Variants in GLS observed in about 807,000 individuals in gnomAD.
GLS encodes glutaminase, also known as glutaminase kidney isoform, mitochondrial.
GLS carries 36 observed loss-of-function variants against 86.7 expected under a neutral mutation model. The observed-to-expected ratio is 0.42, with a 90% CI of 0.32 to 0.55. The LOEUF (loss-of-function observed/expected upper bound fraction) is 0.55, where lower values mean the gene tolerates loss of function less well. Among genes scored for constraint, GLS ranks in the 20% least tolerant of loss-of-function variants. GLS has a pLI of 0.17. For synonymous variants in GLS, 317 were observed against 305.9 expected (o/e 1.04, Z -0.38); for missense variants, 528 against 833.4 (o/e 0.63, Z 4.51).
intron 6 of GLS, 114 bp from the exon 7 acceptor site, chr2:190,910,149 A>G: frequency 3.1e-6 from 2 of 636,994 alleles, no homozygotes; most frequent in Non-Finnish European, 5.4e-6. Context: ...AGCACTAAGA[A>G]AAAAGCAAAA....
intron 6 of GLS, among the ~76,000 whole-genome samples, chr2:190,909,685 C>A (rs1689289624): frequency 6.6e-6 from 1 of 152,108 alleles, no homozygotes; most frequent in African/African-American, 2.4e-5. Context: ...TTTTAAGTAA[C>A]TTTAAAATTA....
intron 1 of GLS, 147 bp downstream of exon 1, chr2:190,881,617 C>T: frequency 1.3e-6 from 1 of 765,088 alleles, no homozygotes; most frequent in Non-Finnish European, 2.0e-6. Context: ...CCGTCTGCGC[C>T]ATGTGATTAG....
chr2:190,929,887 G>A (rs1034135698), intron 12 of GLS, among the ~76,000 whole-genome samples: 1 of 147,788 alleles, frequency 6.8e-6, no homozygotes, highest in Non-Finnish European at 1.5e-5. Context: ...TCACTCTGTT[G>A]CCCAGGCTGG....
At chr2:190,940,211 A>G (rs796826023) in intron 14 of GLS, among the ~76,000 whole-genome samples, 3 of 152,082 alleles carry the variant, frequency 2.0e-5, no homozygotes, top group Admixed American at 6.5e-5. Context: ...ATCCAGGTCT[A>G]TGCACAAGAT....
At chr2:190,942,067 C>CTTTTTT (rs3036653) in intron 14 of GLS, among the ~76,000 whole-genome samples, 1,656 of 38,036 alleles carry the variant, frequency 0.044, 587 homozygotes, top group Non-Finnish European at 0.068. Flanking sequence ...ACTTTGAAGA[C>CTTTTTT]TTTTTTTTTT....
chr2:190,905,894 AAGTG>A lies in GLS; in HGVS notation c.979+730_979+733del, dbSNP rs955099674. ...ATGAGTTAAGATATAGAATTGAAGA[AAGTG>A]AGAGCGAAGTTTGTAGTAATGGCTG... is the stretch of plus-strand genomic sequence containing the variant. On this transcript the variant is annotated intron_variant, in intron 6 of 17. Coordinates refer to ENST00000320717, the MANE Select transcript of GLS (RefSeq NM_014905.5). The surrounding 1 kb of genome is among the most constrained non-coding windows in gnomAD (Gnocchi z 4.6). Among the ~76,000 whole-genome samples, 2 of 152,068 alleles carry A rather than the reference AAGTG, an allele frequency of 1.3e-5. No individual in the cohort carries two copies. Among genetic ancestry groups the A allele is most frequent in the Non-Finnish European group, 2.9e-5 (2 of 67,946 alleles).
chr2:190,954,794 A>G lies in GLS; in HGVS notation c.1829A>G (p.Lys610Arg). 1 of 1,613,258 alleles carries G rather than the reference A, an allele frequency of 6.2e-7. No individual in the cohort carries two copies. Among genetic ancestry groups the G allele is most frequent in the Non-Finnish European group, 8.5e-7 (1 of 1,179,560 alleles). The change falls in exon 17 of 18, where the codon AAA (lysine) becomes AGA (arginine). Residue 610 changes from lysine (K) to arginine (R), a missense_variant. By Grantham distance (26) the Lys-to-Arg change is conservative (BLOSUM62 2). Transcript: ENST00000320717. The surrounding 1 kb of genome is among the most constrained non-coding windows in gnomAD (Gnocchi z 4.0). Reference sequence around the variant, plus strand: ...GTTAAATTTTTGCTGGAAGCCTGCAAAGTAAACCCTTTCCCCAAGGACAGG... The same window carrying G: ...GTTAAATTTTTGCTGGAAGCCTGCAGAGTAAACCCTTTCCCCAAGGACAGG... ...EVVKFLLEAC[K>R]VNPFPKDRWN...
chr2:190,905,139 A>G lies in GLS; in HGVS notation c.951A>G (p.Arg317=). 1 of 1,601,980 alleles carries G rather than the reference A, an allele frequency of 6.2e-7. No homozygotes were observed. Among genetic ancestry groups the G allele is most frequent in the Non-Finnish European group, 8.5e-7 (1 of 1,172,328 alleles). ...TTGGAAAAGAGCCGAGTGGACTAAG[A>G]TTCAACAAACTATTTTTGAATGAAG... ...RYVGKEPSGL[R]FNKLFLNEDD... is the part of the protein sequence containing the mutation. The change falls in exon 6 of 18, where the codon AGA becomes AGG. Residue 317 remains arginine (R), a synonymous_variant. Transcript: ENST00000320717. This position sits in a 1 kb window ranked among gnomAD's most constrained non-coding sequence, Gnocchi z 4.6.
At chr2:190,932,838 G>A (rs1276919339) in intron 14 of GLS, 1 of 1,559,984 alleles carries the variant, frequency 6.4e-7, no homozygotes, top group Non-Finnish European at 8.7e-7. Context: ...TATATAGAAT[G>A]GAAAGTCTGG....
Position 190,938,296 on chromosome 2 carries a change from A to G in GLS, c.1650+6659A>G, listed in dbSNP as rs1690333095. The stretch of plus-strand genomic sequence containing the variant: ...CTTTTGAAAGAAAAAATTCTTACCC[A>G]AAGTAGTTTTTAAATTTCTATTTTC... On this transcript the variant is annotated intron_variant, in intron 14 of 17. Coordinates refer to ENST00000320717, the MANE Select transcript of GLS (RefSeq NM_014905.5). The surrounding 1 kb of genome is among the most constrained non-coding windows in gnomAD (Gnocchi z 4.1). Among the ~76,000 whole-genome samples the G allele has an allele frequency of 6.6e-6, 1 of 151,566 alleles. No individual in the cohort carries two copies. The highest frequency in any genetic ancestry group is 1.5e-5 in the Non-Finnish European group (1 of 67,542).
In GLS at chr2:190,927,172, C is replaced by T. The variant is rs1689924945; in HGVS notation, c.1249-134C>T. ...TCAACTAAAATCTTCAGAATGTCCT[C>T]AAGTTTATATTAAAGTAATCTCTTT... On this transcript the variant is annotated intron_variant, in intron 11 of 17. Coordinates refer to ENST00000320717, the MANE Select transcript of GLS (RefSeq NM_014905.5). 8 of 748,104 alleles carry T rather than the reference C, an allele frequency of 1.1e-5. No individual in the cohort carries two copies. In the South Asian group the frequency reaches 1.7e-4, roughly 16 times the overall value. The allele number at this position is 748,104 out of a possible 1,614,324, so 46.3% of individuals were successfully genotyped here.
At chr2:190,942,144 A>G (rs927162868) in intron 14 of GLS, among the ~76,000 whole-genome samples, 8 of 115,580 alleles carry the variant, frequency 6.9e-5, no homozygotes, top group Non-Finnish European at 1.3e-4. Flanking sequence ...CAGTGGAGTG[A>G]TCTTGGCTCA....
At chr2:190,940,988 T>C (rs1690411768) in intron 14 of GLS, among the ~76,000 whole-genome samples, 1 of 152,190 alleles carries the variant, frequency 6.6e-6, no homozygotes, top group South Asian at 2.1e-4. Flanking sequence ...TATTTCAAGA[T>C]ATTTAGCTAA....
intron 14 of GLS, chr2:190,933,347 A>G: frequency 1.1e-6 from 1 of 888,564 alleles, no homozygotes; most frequent in Non-Finnish European, 1.3e-6. Context: ...ATGAACCCCA[A>G]ATTATTTTAT....
At chr2:190,881,977 T>C (rs1178064800) in intron 1 of GLS, 1 of 152,752 alleles carries the variant, frequency 6.5e-6, no homozygotes, top group African/African-American at 2.4e-5. Context: ...GTTTCTGCCA[T>C]CATCCGGTTG....
chr2:190,915,436 A>G (rs1689499538), intron 7 of GLS, among the ~76,000 whole-genome samples: 1 of 152,174 alleles, frequency 6.6e-6, no homozygotes, highest in African/African-American at 2.4e-5. Flanking sequence ...GGTTTATTTT[A>G]AAAATGTTTC....
intron 12 of GLS, among the ~76,000 whole-genome samples, chr2:190,929,583 C>G (rs1030157517): frequency 6.6e-6 from 1 of 151,388 alleles, no homozygotes; most frequent in Non-Finnish European, 1.5e-5. Flanking sequence ...GATTCTCCTG[C>G]CGCAGCCTCC....
chr2:190,908,091 A>G (rs1282894452), intron 6 of GLS, among the ~76,000 whole-genome samples: 1 of 152,166 alleles, frequency 6.6e-6, no homozygotes. Context: ...GGCACTGCAC[A>G]TTCTTCGTAA....
At chr2:190,906,314 A>C (rs1420723193) in intron 6 of GLS, among the ~76,000 whole-genome samples, 2 of 152,136 alleles carry the variant, frequency 1.3e-5, no homozygotes, top group Non-Finnish European at 2.9e-5. Context: ...ATGTCTAGTG[A>C]ATTGATGGAT....
Sources: gnomAD v4.1 joint callset for allele counts (sites outside exome capture counted in the v4.1 genomes callset) on GRCh38, gnomAD v4.1.1 for gene constraint, Gnocchi (gnomAD v3.1) non-coding constraint, MANE v1.5 for transcripts, NCBI Gene and HGNC (gene_info 2026-07-23, HGNC 2026-07-21) for gene names.